Variants in SCGN observed in about 807,000 individuals in gnomAD.
The protein encoded by SCGN is secretagogin, EF-hand calcium binding protein.
In SCGN, 30 loss-of-function variants were observed where a neutral mutation model predicts 39.7. The ratio of observed to expected loss-of-function variants is 0.76; its 90% confidence interval spans 0.57 to 1.03. The LOEUF is 1.03. Ranked by LOEUF, SCGN falls within the 50% of genes least tolerant of loss-of-function variation. SCGN has a pLI of 0.00. For missense variants in SCGN, 353 were observed against 349.4 expected, an observed-to-expected ratio of 1.01 and a Z score of -0.08; for synonymous variants, 106 against 114.1, an observed-to-expected ratio of 0.93 and a Z score of 0.45.
intron 2 of SCGN, among the ~76,000 whole-genome samples, 164 bp from the exon 3 acceptor site, chr6:25,661,388 C>T (rs547320234): frequency 1.3e-5 from 2 of 152,302 alleles, no homozygotes; most frequent in East Asian, 3.9e-4. Context: ...TCCAGCATTG[C>T]TCTCTCTTCT....
chr6:25,657,662 T>C (rs1027059104), intron 2 of SCGN, among the ~76,000 whole-genome samples: 9 of 149,060 alleles, frequency 6.0e-5, no homozygotes, highest in Non-Finnish European at 1.2e-4. Context: ...TTTATATATA[T>C]ATATAATATA....
rs199926552 is a variant in SCGN at position 25,671,171 on chromosome 6, T to A, written c.471+1095T>A. Among the ~76,000 whole-genome samples the A allele has an allele frequency of 3.2e-3, 490 of 152,342 alleles. 2 individuals carry two copies. Among genetic ancestry groups the A allele is most frequent in the Middle Eastern group, 0.027 (8 of 294 alleles). On this transcript the variant is annotated intron_variant, in intron 6 of 10. Coordinates refer to ENST00000377961, the MANE Select transcript of SCGN (RefSeq NM_006998.4). Reference sequence around the variant, plus strand: ...TTTTAATTGGTGTTTCCAAATACTATATTATGTCTAACAACTTCTCTACAG... The same window carrying A: ...TTTTAATTGGTGTTTCCAAATACTAAATTATGTCTAACAACTTCTCTACAG...
chr6:25,697,713 C>A (rs577174709), intron 10 of SCGN, among the ~76,000 whole-genome samples: 19 of 152,150 alleles, frequency 1.2e-4, no homozygotes, highest in Non-Finnish European at 2.2e-4. Context: ...CCCCCTATTG[C>A]CAAGATTAAA....
At chr6:25,654,858 G>A (rs1482221752) in intron 2 of SCGN, among the ~76,000 whole-genome samples, 1 of 152,188 alleles carries the variant, frequency 6.6e-6, no homozygotes, top group African/African-American at 2.4e-5. Context: ...CAGCAGACGA[G>A]AAGGATAGAG....
chr6:25,678,764 G>A (rs1243057576), intron 6 of SCGN: 1 of 152,422 alleles, frequency 6.6e-6, no homozygotes, highest in Non-Finnish European at 1.5e-5. Context: ...GCAGGGCCCA[G>A]GCTGGCTACA....
At chr6:25,701,185 A>G (rs937453820) in intron 10 of SCGN, 22 bp from the exon 11 acceptor site, 12 of 1,600,646 alleles carry the variant, frequency 7.5e-6, no homozygotes, top group Middle Eastern at 3.5e-4. Flanking sequence ...GCCTGTTAAC[A>G]TGTTACTTTT....
intron 2 of SCGN, among the ~76,000 whole-genome samples, chr6:25,658,928 T>C: frequency 6.6e-6 from 1 of 152,206 alleles, no homozygotes; most frequent in Non-Finnish European, 1.5e-5. Flanking sequence ...ATATATCCAG[T>C]ATCCACACCA....
intron 4 of SCGN, 124 bp downstream of exon 4, chr6:25,665,156 G>A: frequency 1.4e-5 from 10 of 699,742 alleles, no homozygotes; most frequent in Admixed American, 1.1e-4. Context: ...CAGAGGATAA[G>A]ACCAAGCAAA....
intron 6 of SCGN, among the ~76,000 whole-genome samples, chr6:25,674,661 G>A (rs1043801348): frequency 4.6e-5 from 7 of 152,200 alleles, no homozygotes; most frequent in Non-Finnish European, 1.5e-5. Flanking sequence ...ATCTGAATAA[G>A]GATTGGCACA....
intron 10 of SCGN, among the ~76,000 whole-genome samples, chr6:25,699,707 C>A (rs1759884595): frequency 6.6e-6 from 1 of 152,010 alleles, no homozygotes; most frequent in Admixed American, 6.6e-5. Flanking sequence ...AGTGCCCACC[C>A]ATGTTGCCAG....
intron 4 of SCGN, among the ~76,000 whole-genome samples, chr6:25,665,701 G>A (rs1449500994): frequency 1.3e-5 from 2 of 152,152 alleles, no homozygotes; most frequent in Admixed American, 1.3e-4. Flanking sequence ...CACTGTATCC[G>A]GGACCCCACA....
At chr6:25,661,449 T>G (rs1760335336) in intron 2 of SCGN, 103 bp from the exon 3 acceptor site, 3 of 814,490 alleles carry the variant, frequency 3.7e-6, no homozygotes, top group East Asian at 5.3e-5. Flanking sequence ...TTTCCATGTT[T>G]GAAAAACATA....
At chr6:25,668,551 T>C (rs1387041014) in intron 4 of SCGN, among the ~76,000 whole-genome samples, 1 of 152,248 alleles carries the variant, frequency 6.6e-6, no homozygotes, top group Non-Finnish European at 1.5e-5. Flanking sequence ...TTAAAGTTCA[T>C]CTTTCATTCA....
chr6:25,685,230 T>A (rs1235223357), intron 7 of SCGN, among the ~76,000 whole-genome samples: 1 of 152,162 alleles, frequency 6.6e-6, no homozygotes, highest in African/African-American at 2.4e-5. Flanking sequence ...ATGATTATGG[T>A]TATTTGAAGC....
At chr6:25,653,500 C>A in intron 2 of SCGN, 48 bp downstream of exon 2, 1 of 1,353,192 alleles carries the variant, frequency 7.4e-7, no homozygotes, top group Non-Finnish European at 1.1e-6. Context: ...TAGTAAGATA[C>A]GCACATCCAA....
intron 6 of SCGN, among the ~76,000 whole-genome samples, chr6:25,676,809 A>G (rs529097911): frequency 1.3e-5 from 2 of 152,282 alleles, no homozygotes; most frequent in South Asian, 4.1e-4. Context: ...AATCAGCTCC[A>G]TGAGAGCATG....
intron 6 of SCGN, among the ~76,000 whole-genome samples, chr6:25,672,374 G>A (rs1444498272): frequency 6.6e-6 from 1 of 152,206 alleles, no homozygotes; most frequent in Non-Finnish European, 1.5e-5. Flanking sequence ...AGAGGGTGAT[G>A]AGTGTTATGG....
intron 2 of SCGN, among the ~76,000 whole-genome samples, chr6:25,655,051 C>G (rs1169303060): frequency 6.6e-6 from 1 of 152,248 alleles, no homozygotes; most frequent in Non-Finnish European, 1.5e-5. Context: ...CAGCCTTGCC[C>G]ACAGGGCTTC....
At chr6:25,679,647 AATAG>A (rs1369316359) in intron 6 of SCGN, among the ~76,000 whole-genome samples, 1 of 152,224 alleles carries the variant, frequency 6.6e-6, no homozygotes, top group Admixed American at 6.5e-5. Flanking sequence ...GGGTAGGGAA[AATAG>A]ATAGAAATGA....
Sources: allele counts gnomAD v4.1 joint callset (sites outside exome capture counted in the v4.1 genomes callset), GRCh38; gene constraint gnomAD v4.1.1; transcripts MANE v1.5; gene names NCBI Gene and HGNC (gene_info 2026-07-23, HGNC 2026-07-21).